Variants in DPYD observed in about 807,000 individuals in gnomAD.
DPYD encodes dihydropyrimidine dehydrogenase [NADP(+)].
DPYD carries 109 observed loss-of-function variants against 116.2 expected under a neutral mutation model. That is an observed-to-expected ratio of 0.94 (90% CI 0.80 to 1.10). DPYD has a LOEUF of 1.10. DPYD is among the 50% of genes least tolerant of loss of function. DPYD has a pLI of 0.00. For missense variants in DPYD, 1,302 were observed against 1,254.5 expected (o/e 1.04, Z -0.57); for synonymous variants, 440 against 432.0 (o/e 1.02, Z -0.23).
chr1:97,821,278 C>T (rs1668913539), intron 3 of DPYD, among the ~76,000 whole-genome samples: 1 of 149,834 alleles, frequency 6.7e-6, no homozygotes, highest in Non-Finnish European at 1.5e-5. Flanking sequence ...TTGCAGTGAG[C>T]CGAGACCGCA....
chr1:97,159,026 T>A (rs1453124506), intron 20 of DPYD, among the ~76,000 whole-genome samples: 1 of 152,062 alleles, frequency 6.6e-6, no homozygotes, highest in Non-Finnish European at 1.5e-5. Flanking sequence ...ACAGTCCAGA[T>A]ACAATATAAA....
intron 8 of DPYD, among the ~76,000 whole-genome samples, chr1:97,650,635 AT>A (rs1187207772): frequency 6.6e-6 from 1 of 152,156 alleles, no homozygotes; most frequent in African/African-American, 2.4e-5. Context: ...ACAAAAGGGC[AT>A]TTTAGAGGCA....
chr1:97,687,821 T>C (rs903050595), intron 7 of DPYD, among the ~76,000 whole-genome samples: 3 of 152,192 alleles, frequency 2.0e-5, no homozygotes, highest in African/African-American at 2.4e-5. Flanking sequence ...TCATGTCCTT[T>C]GCAGGGACAT....
intron 20 of DPYD, among the ~76,000 whole-genome samples, chr1:97,142,205 G>C (rs1242586092): frequency 6.6e-6 from 1 of 152,178 alleles, no homozygotes; most frequent in Non-Finnish European, 1.5e-5. Flanking sequence ...TGCACTCAAA[G>C]AGTATTGGGC....
intron 13 of DPYD, among the ~76,000 whole-genome samples, chr1:97,475,869 C>A (rs548753171): frequency 6.6e-6 from 1 of 152,152 alleles, no homozygotes; most frequent in Non-Finnish European, 1.5e-5. Flanking sequence ...AAGTTAATAC[C>A]TGATCCAAGA....
intron 21 of DPYD, among the ~76,000 whole-genome samples, chr1:97,092,778 C>T (rs1027195745): frequency 2.6e-5 from 4 of 152,066 alleles, no homozygotes; most frequent in Non-Finnish European, 5.9e-5. Flanking sequence ...AAAACCTTAA[C>T]TCATTATCTT....
At chr1:97,665,294 T>C (rs1659497095) in intron 8 of DPYD, among the ~76,000 whole-genome samples, 1 of 152,160 alleles carries the variant, frequency 6.6e-6, no homozygotes, top group Non-Finnish European at 1.5e-5. Flanking sequence ...TTTGAGTCCA[T>C]ATACTTAAAA....
chr1:97,528,663 G>A (rs542086799), intron 12 of DPYD, among the ~76,000 whole-genome samples: 2 of 152,088 alleles, frequency 1.3e-5, no homozygotes, highest in African/African-American at 4.8e-5. Flanking sequence ...CATCCATCAA[G>A]CTTGTTAAAA....
chr1:97,158,340 T>A (rs1655638501), intron 20 of DPYD, among the ~76,000 whole-genome samples: 1 of 151,998 alleles, frequency 6.6e-6, no homozygotes, highest in Non-Finnish European at 1.5e-5. Flanking sequence ...ATGAAAAAGT[T>A]TTATATCTAG....
intron 16 of DPYD, among the ~76,000 whole-genome samples, chr1:97,331,541 A>G (rs1307353713): frequency 1.3e-5 from 2 of 152,174 alleles, no homozygotes; most frequent in Non-Finnish European, 2.9e-5. Flanking sequence ...CCATTCACCA[A>G]TAGTTGAAAC....
chr1:97,595,612 G>GA (rs1481258481), intron 8 of DPYD, among the ~76,000 whole-genome samples: 1 of 150,882 alleles, frequency 6.6e-6, no homozygotes, highest in Non-Finnish European at 1.5e-5. Flanking sequence ...AAAATTAAAG[G>GA]AAAAAACAAT....
intron 13 of DPYD, among the ~76,000 whole-genome samples, chr1:97,498,441 C>CT (rs2101923131): frequency 6.6e-6 from 1 of 151,626 alleles, no homozygotes; most frequent in East Asian, 1.9e-4. Flanking sequence ...GAGAAACTGT[C>CT]TTTACACTAA....
chr1:97,691,621 C>A, intron 7 of DPYD, 96 bp downstream of exon 7: 1 of 1,096,072 alleles, frequency 9.1e-7, no homozygotes, highest in Non-Finnish European at 1.4e-6. Context: ...TTTAATTGTT[C>A]TTTCCTAAAA....
chr1:97,548,266 T>C (rs1406442156), intron 12 of DPYD, among the ~76,000 whole-genome samples: 1 of 152,160 alleles, frequency 6.6e-6, no homozygotes, highest in Non-Finnish European at 1.5e-5. Flanking sequence ...TACATTTAAT[T>C]AAATCACAGA....
rs17117281 is a variant in DPYD at position 97,871,384 on chromosome 1, C to T, written c.150+11880G>A. Among the ~76,000 whole-genome samples, 956 of 151,788 alleles carry T rather than the reference C, an allele frequency of 6.3e-3. 7 individuals are homozygous for T. The highest frequency in any genetic ancestry group is 0.021 in the African/African-American group (853 of 41,466). On this transcript the variant is annotated intron_variant, in intron 2 of 22. Transcript: ENST00000370192. ...CCAAGAGAAATTTCCTTGTCAGACA[C>T]GGAGAATAAATATTTCACTCTTGGG...
chr1:97,477,879 CAA>C (rs1393403160), intron 13 of DPYD, among the ~76,000 whole-genome samples: 1 of 152,142 alleles, frequency 6.6e-6, no homozygotes, highest in Non-Finnish European at 1.5e-5. Context: ...CTCGGCCTCC[CAA>C]AGTGCTGGGA....
At chr1:97,310,949 C>G (rs754145383) in intron 16 of DPYD, among the ~76,000 whole-genome samples, 8 of 151,650 alleles carry the variant, frequency 5.3e-5, no homozygotes, top group Non-Finnish European at 8.8e-5. Context: ...CATGCCACAA[C>G]TTGGAATTAA....
chr1:97,890,321 G>A (rs931650021), intron 1 of DPYD, among the ~76,000 whole-genome samples: 4 of 151,792 alleles, frequency 2.6e-5, no homozygotes, highest in African/African-American at 7.3e-5. Flanking sequence ...ACATTCAGTC[G>A]ATTTAGCCAT....
At position 97,833,499 on chromosome 1, in the gene DPYD, G is replaced by T. The variant is rs1284051036; in HGVS notation, c.151-5303C>A. ...ATTTTCCAGATTAAGAGAAAAAAAG[G>T]GGGAAGGCTAAGGTAATAAAATTGG... On this transcript the variant is annotated intron_variant, in intron 2 of 22. Transcript: ENST00000370192. Among the ~76,000 whole-genome samples, 5 of 152,188 alleles carry T rather than the reference G, an allele frequency of 3.3e-5. 1 individual carries two copies. Among genetic ancestry groups the T allele is most frequent in the Admixed American group, 3.3e-4 (5 of 15,294 alleles).
Sources: allele counts gnomAD v4.1 joint callset (sites outside exome capture counted in the v4.1 genomes callset), GRCh38; gene constraint gnomAD v4.1.1; transcripts MANE v1.5; gene names NCBI Gene and HGNC (gene_info 2026-07-23, HGNC 2026-07-21).